Variants in VGLL4 observed in about 807,000 individuals in gnomAD.
VGLL4 encodes transcription cofactor vestigial-like protein 4.
VGLL4 carries 7 observed loss-of-function variants against 21.0 expected under a neutral mutation model. The observed-to-expected ratio is 0.33, with a 90% CI of 0.19 to 0.63. VGLL4 has a LOEUF of 0.63. Among genes scored for constraint, VGLL4 ranks in the 20% least tolerant of loss-of-function variants. The probability of loss-of-function intolerance (pLI) is 0.78; values close to 1 mark genes in which losing one functional copy is unlikely to be tolerated. For synonymous variants in VGLL4, 222 were observed against 173.2 expected, an observed-to-expected ratio of 1.28 and a Z score of -2.21; for missense variants, 394 against 425.7, an observed-to-expected ratio of 0.93 and a Z score of 0.66.
intron 1 of VGLL4, among the ~76,000 whole-genome samples, chr3:11,631,977 C>T (rs1157524004): frequency 6.6e-6 from 1 of 152,142 alleles, no homozygotes; most frequent in Non-Finnish European, 1.5e-5. Context: ...GGTCTGACCA[C>T]AGTATTTTCA....
intron 2 of VGLL4, among the ~76,000 whole-genome samples, chr3:11,574,365 A>G (rs890667991): frequency 3.9e-5 from 6 of 152,182 alleles, no homozygotes; most frequent in South Asian, 2.1e-4. Context: ...CCTGTCCTGT[A>G]TGCCTGTCAT....
chr3:11,703,860 A>G (rs1158812604), intron 1 of VGLL4, among the ~76,000 whole-genome samples: 1 of 152,204 alleles, frequency 6.6e-6, no homozygotes, highest in Non-Finnish European at 1.5e-5. Context: ...GCATTCTTCA[A>G]CACTTATGGA....
intron 3 of VGLL4, among the ~76,000 whole-genome samples, chr3:11,560,252 T>C (rs1469337476): frequency 6.6e-6 from 1 of 152,230 alleles, no homozygotes; most frequent in Non-Finnish European, 1.5e-5. Context: ...CCAGGCAGTA[T>C]GTCTGGCCCC....
At chr3:11,602,098 C>T in intron 1 of VGLL4, 76 bp from the exon 2 acceptor site, 1 of 1,353,288 alleles carries the variant, frequency 7.4e-7, no homozygotes, top group Non-Finnish European at 9.6e-7. Context: ...CCCCGCCCGC[C>T]CAGCCAGCCC....
intron 2 of VGLL4, among the ~76,000 whole-genome samples, chr3:11,576,059 G>T (rs1211038182): frequency 6.6e-6 from 1 of 152,196 alleles, no homozygotes; most frequent in Non-Finnish European, 1.5e-5. Flanking sequence ...ATTAGCTTTA[G>T]TTTTTTAAGA....
At chr3:11,608,545 A>G (rs191192757) in intron 1 of VGLL4, among the ~76,000 whole-genome samples, 3 of 152,274 alleles carry the variant, frequency 2.0e-5, no homozygotes, top group East Asian at 1.9e-4. Flanking sequence ...AGAGAGAATC[A>G]CCTCGCTTTA....
In VGLL4 at chr3:11,561,132, C is replaced by G. The variant is rs189767679; in HGVS notation, c.496-1677G>C. Among the ~76,000 whole-genome samples, 505 of 152,270 alleles carry G rather than the reference C, an allele frequency of 3.3e-3. 2 individuals carry two copies. The highest frequency in any genetic ancestry group is 0.012 in the South Asian group (57 of 4,822). On this transcript the variant is annotated intron_variant, in intron 3 of 4. Transcript: ENST00000430365. Reference sequence around the variant, plus strand: ...GACCTTGGGCTCTAGGAGACCCCCCCCCAGGGTCCTCCCAATAAAACTCCC... The same window carrying G: ...GACCTTGGGCTCTAGGAGACCCCCCGCCAGGGTCCTCCCAATAAAACTCCC...
Position 11,643,510 on chromosome 3 carries a change from A to G in VGLL4, c.9T>C (p.Phe3=). Residue 3 remains phenylalanine (F), a synonymous_variant, in exon 1 of 5, where the codon TTT becomes TTC. Transcript: ENST00000430365. The part of the protein sequence containing the change: ML[F]MKMDLLNYQY... ...GATAGTTCAACAGGTCCATCTTCATAAATAGCATTTATTGGGCTAGCAAAG... is the reference window on the plus strand; with the variant it reads ...GATAGTTCAACAGGTCCATCTTCATGAATAGCATTTATTGGGCTAGCAAAG... The G allele has an allele frequency of 6.2e-7, 1 of 1,614,042 alleles. No homozygotes were observed. Among genetic ancestry groups the G allele is most frequent in the East Asian group, 2.2e-5 (1 of 44,882 alleles).
intron 2 of VGLL4, among the ~76,000 whole-genome samples, chr3:11,695,757 C>T (rs1403972085): frequency 3.9e-5 from 6 of 152,046 alleles, no homozygotes; most frequent in African/African-American, 7.2e-5. Flanking sequence ...CTCTGAGGAT[C>T]GCGGATAGCA....
Position 11,556,438 on chromosome 3 carries a change from A to C in VGLL4, c.*2118T>G, listed in dbSNP as rs998876803. The C allele has an allele frequency of 1.3e-5, 2 of 152,538 alleles. No homozygotes were observed. Among genetic ancestry groups the C allele is most frequent in the African/African-American group, 4.8e-5 (2 of 41,308 alleles). The allele number at this position is 152,538 out of a possible 1,614,324, so 9.4% of individuals were successfully genotyped here. ...GACGCCCTTGTTCACTGACAAAGAG[A>C]CCTGTCCCAGGAGTGTCCTCCACCG... On this transcript the variant is annotated 3_prime_UTR_variant, in exon 5 of 5. Transcript: ENST00000430365.
chr3:11,713,491 C>A (rs776786004), intron 1 of VGLL4, among the ~76,000 whole-genome samples: 1 of 150,994 alleles, frequency 6.6e-6, no homozygotes, highest in Non-Finnish European at 1.5e-5. Flanking sequence ...CATTAGAAGG[C>A]CAAACGTTCT....
intron 1 of VGLL4, among the ~76,000 whole-genome samples, chr3:11,627,941 G>A (rs954844896): frequency 3.3e-5 from 5 of 152,206 alleles, no homozygotes; most frequent in Non-Finnish European, 7.3e-5. Context: ...CTGCTCTAGT[G>A]CATAGGAGGA....
chr3:11,573,206 A>G lies in VGLL4; in HGVS notation c.273-8187T>C, dbSNP rs532481441. 3.3e-5 allele frequency among the ~76,000 whole-genome samples: 5 copies of G among 149,744 alleles called. No homozygotes were observed. In the South Asian group the frequency reaches 8.6e-4, roughly 26 times the overall value. On this transcript the variant is annotated intron_variant, in intron 2 of 4. Transcript: ENST00000430365. ...ACAGACAGACAGAAAGAAAGAAAAG[A>G]AGAGAGAGAGAGAAAGACAGACAGA...
chr3:11,613,554 T>C (rs1035095978), intron 1 of VGLL4, among the ~76,000 whole-genome samples: 3 of 152,200 alleles, frequency 2.0e-5, no homozygotes, highest in East Asian at 1.9e-4. Context: ...TCCCGGGTAC[T>C]GTTCTGGGAG....
At chr3:11,650,553 A>G (rs114241384) in intron 2 of VGLL4, among the ~76,000 whole-genome samples, 3,785 of 152,322 alleles carry the variant, frequency 0.025, 143 homozygotes, top group African/African-American at 0.084. Flanking sequence ...GTCTAACATA[A>G]CATCTCCAAA....
At position 11,568,008 on chromosome 3, in the gene VGLL4, T is replaced by A. The variant is rs1437185848; in HGVS notation, c.273-2989A>T. ...GTTTACTCAACCAGCGCTAGTTAAG[T>A]CCCTGTTCTGTGGAGGTTCCAGAAC... On this transcript the variant is annotated intron_variant, in intron 2 of 4. Transcript: ENST00000430365. This position sits in a 1 kb window ranked among gnomAD's most constrained non-coding sequence, Gnocchi z 5.9. Among the ~76,000 whole-genome samples, 1 of 152,132 alleles carries A rather than the reference T, an allele frequency of 6.6e-6. No homozygotes were observed. Among genetic ancestry groups the A allele is most frequent in the Non-Finnish European group, 1.5e-5 (1 of 68,030 alleles).
At chr3:11,574,418 G>T (rs1316394650) in intron 2 of VGLL4, among the ~76,000 whole-genome samples, 2 of 152,154 alleles carry the variant, frequency 1.3e-5, no homozygotes, top group Non-Finnish European at 2.9e-5. Flanking sequence ...AGTCCAAACA[G>T]AGACCAGAGC....
chr3:11,577,921 T>C (rs1292872331), intron 2 of VGLL4, among the ~76,000 whole-genome samples: 1 of 152,236 alleles, frequency 6.6e-6, no homozygotes, highest in Non-Finnish European at 1.5e-5. Context: ...TTCAAATTAC[T>C]CTGACACAAG....
At chr3:11,698,729 C>A (rs947306353) in intron 2 of VGLL4, among the ~76,000 whole-genome samples, 1 of 152,192 alleles carries the variant, frequency 6.6e-6, no homozygotes, top group African/African-American at 2.4e-5. Flanking sequence ...TCCAGATAAG[C>A]AACTATTGTG....
Sources: gnomAD v4.1 joint callset for allele counts (sites outside exome capture counted in the v4.1 genomes callset) on GRCh38, gnomAD v4.1.1 for gene constraint, Gnocchi (gnomAD v3.1) non-coding constraint, MANE v1.5 for transcripts, NCBI Gene and HGNC (gene_info 2026-07-23, HGNC 2026-07-21) for gene names.